The following MAPK6 variants were observed in gnomAD, a reference collection of about 807,000 sequenced individuals.
The protein encoded by MAPK6 is ERK-3.
Under a neutral mutation model 59.3 loss-of-function variants are expected in MAPK6, and 19 were observed. That is an observed-to-expected ratio of 0.32 (90% CI 0.22 to 0.47). The LOEUF is 0.47. MAPK6 is among the 20% of genes least tolerant of loss of function. MAPK6 has a pLI of 1.00. For synonymous variants in MAPK6, 316 were observed against 290.3 expected (o/e 1.09, Z -0.90); for missense variants, 724 against 847.9 (o/e 0.85, Z 1.81).
chr15:51,985,887 G>A (rs1219903335), intron 2 of MAPK6, among the ~76,000 whole-genome samples: 1 of 152,008 alleles, frequency 6.6e-6, no homozygotes, highest in Non-Finnish European at 1.5e-5. Flanking sequence ...GAACCCAGGA[G>A]GCGGAGCTTG....
At chr15:52,061,906 A>G (rs999560131) in intron 5 of MAPK6, among the ~76,000 whole-genome samples, 1 of 152,180 alleles carries the variant, frequency 6.6e-6, no homozygotes, top group East Asian at 1.9e-4. Flanking sequence ...TTTCAAAGTC[A>G]TTAAGGCATA....
intron 3 of MAPK6, among the ~76,000 whole-genome samples, chr15:52,052,385 A>G (rs1005378297): frequency 7.2e-5 from 11 of 152,268 alleles, no homozygotes; most frequent in African/African-American, 2.4e-4. Context: ...GAAAGCCAGT[A>G]TATCTTTCTT....
intron 1 of MAPK6, among the ~76,000 whole-genome samples, chr15:51,982,043 CACAA>C (rs923614454): frequency 2.0e-5 from 3 of 152,132 alleles, no homozygotes; most frequent in African/African-American, 7.2e-5. Context: ...ATCCCAACAG[CACAA>C]ACACAGAGAC....
chr15:52,018,131 T>C (rs1162657233), upstream of MAPK6: 2 of 152,204 alleles, frequency 1.3e-5, no homozygotes, highest in African/African-American at 2.4e-5. Context: ...GGGTTCAAGC[T>C]ATTCTCCTGC....
intron 1 of MAPK6, among the ~76,000 whole-genome samples, chr15:51,976,529 A>G (rs992977062): frequency 6.8e-6 from 1 of 147,126 alleles, no homozygotes; most frequent in Non-Finnish European, 1.5e-5. Flanking sequence ...CTGGGGATTA[A>G]AAAAAAAATT....
At chr15:51,992,305 A>ATATATATATTTT (rs572519819) in intron 2 of MAPK6, among the ~76,000 whole-genome samples, 1 of 101,420 alleles carries the variant, frequency 9.9e-6, no homozygotes, top group Non-Finnish European at 2.0e-5. Flanking sequence ...ATATATATAT[A>ATATATATATTTT]TTTTTTTTTT....
At chr15:52,047,242 A>G (rs1280515612) in intron 2 of MAPK6, among the ~76,000 whole-genome samples, 2 of 152,144 alleles carry the variant, frequency 1.3e-5, no homozygotes, top group African/African-American at 4.8e-5. Flanking sequence ...TTTAAAGTGT[A>G]TGGTTATTTA....
At chr15:52,048,700 A>T (rs1228545908) in intron 2 of MAPK6, among the ~76,000 whole-genome samples, 2 of 152,128 alleles carry the variant, frequency 1.3e-5, no homozygotes, top group Non-Finnish European at 2.9e-5. Flanking sequence ...AGGCCGGGGC[A>T]GGAGGATCAC....
intron 4 of MAPK6, among the ~76,000 whole-genome samples, chr15:52,060,194 A>G (rs2032145972): frequency 6.6e-6 from 1 of 152,200 alleles, no homozygotes; most frequent in Non-Finnish European, 1.5e-5. Context: ...AGCTATGATC[A>G]TGCTATTGCA....
At chr15:52,044,473 G>A (rs2031537421) in intron 1 of MAPK6, among the ~76,000 whole-genome samples, 1 of 152,056 alleles carries the variant, frequency 6.6e-6, no homozygotes, top group African/African-American at 2.4e-5. Context: ...CTCAATATAT[G>A]TTTATATATT....
At chr15:51,985,557 A>G (rs1052713630) in intron 2 of MAPK6, among the ~76,000 whole-genome samples, 5 of 152,134 alleles carry the variant, frequency 3.3e-5, no homozygotes, top group Non-Finnish European at 5.9e-5. Context: ...CAGGAGGCTG[A>G]GGCAGGAGAA....
At chr15:51,984,974 CAAG>C (rs1211791750) in intron 2 of MAPK6, among the ~76,000 whole-genome samples, 5 of 152,072 alleles carry the variant, frequency 3.3e-5, no homozygotes, top group Non-Finnish European at 7.4e-5. Context: ...CTATAATCAA[CAAG>C]AAGAATAAAA....
intron 3 of MAPK6, among the ~76,000 whole-genome samples, chr15:52,006,158 G>C (rs2057258098): frequency 6.6e-6 from 1 of 152,174 alleles, no homozygotes; most frequent in African/African-American, 2.4e-5. Context: ...ATGAGTTATT[G>C]TTGACTGTTT....
chr15:51,976,610 A>G (rs1333224101), intron 1 of MAPK6, among the ~76,000 whole-genome samples: 2 of 151,826 alleles, frequency 1.3e-5, no homozygotes, highest in Non-Finnish European at 2.9e-5. Flanking sequence ...TCAGATTTCT[A>G]AACAATTCTG....
chr15:52,029,996 C>A (rs1179547745), intron 1 of MAPK6, among the ~76,000 whole-genome samples: 2 of 152,208 alleles, frequency 1.3e-5, no homozygotes, highest in Non-Finnish European at 2.9e-5. Context: ...GATTCAGAAT[C>A]CTGCCTCATG....
upstream of MAPK6, among the ~76,000 whole-genome samples, chr15:52,015,213 C>G (rs1261244822): frequency 6.6e-6 from 1 of 151,960 alleles, no homozygotes; most frequent in Non-Finnish European, 1.5e-5. Flanking sequence ...GTTGGTCAGG[C>G]TGGTCTCAAA....
At chr15:52,040,613 C>T (rs994594676) in intron 1 of MAPK6, among the ~76,000 whole-genome samples, 5 of 152,170 alleles carry the variant, frequency 3.3e-5, no homozygotes, top group Admixed American at 3.3e-4. Context: ...CGAGATAGGA[C>T]AAAGTAAAGT....
chr15:52,010,187 G>T (rs764619462), intron 3 of MAPK6, among the ~76,000 whole-genome samples: 1 of 152,124 alleles, frequency 6.6e-6, no homozygotes, highest in Non-Finnish European at 1.5e-5. Flanking sequence ...CTTGATAAAT[G>T]ATTGCTATTA....
At chr15:52,016,071 C>CGCGCAA (rs1491560107), upstream of MAPK6, among the ~76,000 whole-genome samples, 698 of 12,578 alleles carry the variant, frequency 0.055, 15 homozygotes, top group African/African-American at 0.09. Flanking sequence ...CGCGCGCGCG[C>CGCGCAA]ACACACACAC....
Sources: gnomAD v4.1 joint callset for allele counts (sites outside exome capture counted in the v4.1 genomes callset) on GRCh38, gnomAD v4.1.1 for gene constraint, MANE v1.5 for transcripts, NCBI Gene and HGNC (gene_info 2026-07-23, HGNC 2026-07-21) for gene names.